Variants in TNKS observed in about 807,000 individuals in gnomAD.
The protein encoded by TNKS is tankyrase.
In TNKS, 72 loss-of-function variants were observed where a neutral mutation model predicts 135.8. That is an observed-to-expected ratio of 0.53 (90% CI 0.44 to 0.64). TNKS has a LOEUF of 0.64. Ranked by LOEUF, TNKS falls within the 30% of genes least tolerant of loss-of-function variation. The pLI is 0.00. For missense variants in TNKS, 1,769 were observed against 1,674.0 expected (o/e 1.06, Z -0.99); for synonymous variants, 849 against 649.3 (o/e 1.31, Z -4.68).
intron 5 of TNKS, among the ~76,000 whole-genome samples, chr8:9,682,722 A>C (rs1802832825): frequency 6.6e-6 from 1 of 152,056 alleles, no homozygotes; most frequent in African/African-American, 2.4e-5. Context: ...TTATCCTCTG[A>C]GTGAGAAAAA....
At chr8:9,651,456 C>T (rs990656451) in intron 3 of TNKS, among the ~76,000 whole-genome samples, 4 of 152,240 alleles carry the variant, frequency 2.6e-5, no homozygotes, top group Admixed American at 2.0e-4. Flanking sequence ...CTTGTTGCCT[C>T]AAGGGAGGAC....
intron 2 of TNKS, among the ~76,000 whole-genome samples, chr8:9,604,520 T>C (rs936316791): frequency 3.3e-5 from 5 of 152,032 alleles, no homozygotes; most frequent in African/African-American, 1.2e-4. Flanking sequence ...TAAGCTAGGC[T>C]CACTAAAATT....
At chr8:9,574,458 C>T (rs557710216) in intron 1 of TNKS, among the ~76,000 whole-genome samples, 1 of 152,338 alleles carries the variant, frequency 6.6e-6, no homozygotes, top group South Asian at 2.1e-4. Flanking sequence ...GCCCAGACTA[C>T]TGCAGAATTT....
chr8:9,591,653 C>G (rs549316789), intron 2 of TNKS, among the ~76,000 whole-genome samples: 2 of 152,238 alleles, frequency 1.3e-5, no homozygotes, highest in African/African-American at 4.8e-5. Flanking sequence ...TGTGCTGTAA[C>G]AATGGGTCTT....
In TNKS at chr8:9,641,316, C is replaced by T. The variant is rs577922521; in HGVS notation, c.994+25639C>T. On this transcript the variant is annotated intron_variant, in intron 3 of 26. Coordinates refer to ENST00000310430, the MANE Select transcript of TNKS (RefSeq NM_003747.3). ...TTTTTTTTACCACTTGACTATCAGG[C>T]ACTTTGATAGTTGTTCAGTATATAA... Among the ~76,000 whole-genome samples, 5 of 142,446 alleles carry T rather than the reference C, an allele frequency of 3.5e-5. 1 individual carries two copies. Among genetic ancestry groups the T allele is most frequent in the Non-Finnish European group, 7.6e-5 (5 of 65,880 alleles). 93.5% of individuals were successfully genotyped at this position (142,446 alleles called of 152,430 possible).
intron 3 of TNKS, among the ~76,000 whole-genome samples, chr8:9,631,499 C>G (rs1303250845): frequency 1.3e-5 from 2 of 152,134 alleles, no homozygotes; most frequent in Non-Finnish European, 2.9e-5. Flanking sequence ...TTACTAAAAA[C>G]TAAACTAATT....
chr8:9,662,927 T>G (rs1801793803), intron 3 of TNKS, among the ~76,000 whole-genome samples: 1 of 152,168 alleles, frequency 6.6e-6, no homozygotes, highest in African/African-American at 2.4e-5. Flanking sequence ...TGTTACCTTA[T>G]GGGATAAAAA....
intron 2 of TNKS, among the ~76,000 whole-genome samples, chr8:9,585,099 T>C (rs963342676): frequency 1.3e-5 from 2 of 151,080 alleles, no homozygotes; most frequent in African/African-American, 4.9e-5. Context: ...AATTAAAGTA[T>C]AAAGTGGGGA....
chr8:9,601,672 G>A (rs960545518), intron 2 of TNKS, among the ~76,000 whole-genome samples: 5 of 152,122 alleles, frequency 3.3e-5, no homozygotes, highest in Non-Finnish European at 7.3e-5. Context: ...TGTTATTAAG[G>A]TAGCTGAAGT....
chr8:9,564,541 A>G (rs1247835122), intron 1 of TNKS, among the ~76,000 whole-genome samples: 1 of 152,254 alleles, frequency 6.6e-6, no homozygotes, highest in Non-Finnish European at 1.5e-5. Flanking sequence ...TTAGTCTTTA[A>G]TATTTTTAAC....
At position 9,617,790 on chromosome 8, in the gene TNKS, TG is replaced by T. The variant is rs759178312; in HGVS notation, c.994+2114del. ...TCTTTATTTTTATGCCAGATGCAATTGTAGTACCCTTACTTACCTTGAGAGT... is the reference window on the plus strand; with the variant it reads ...TCTTTATTTTTATGCCAGATGCAATTTAGTACCCTTACTTACCTTGAGAGT... On this transcript the variant is annotated intron_variant, in intron 3 of 26. Coordinates refer to ENST00000310430, the MANE Select transcript of TNKS (RefSeq NM_003747.3). Among the ~76,000 whole-genome samples the T allele has an allele frequency of 6.0e-4, 92 of 152,294 alleles. No individual in the cohort carries two copies. In the Middle Eastern group the frequency reaches 0.01, roughly 17 times the overall value.
In TNKS at chr8:9,580,241, G is replaced by A. The variant is rs759481250; in HGVS notation, c.756G>A (p.Pro252=). 2.1e-5 allele frequency: 34 copies of A among 1,613,978 alleles called. No individual in the cohort carries two copies. The highest frequency in any genetic ancestry group is 2.0e-4 in the Admixed American group (12 of 59,992). ...VHARDDGGLI[P]LHNACSFGHA... ...CTCGTGATGATGGAGGTCTCATCCC[G>A]CTTCATAATGCCTGTTCTTTTGGCC... Residue 252 remains proline (P), a synonymous_variant, in exon 2 of 27, where the codon CCG becomes CCA. Coordinates refer to ENST00000310430, the MANE Select transcript of TNKS (RefSeq NM_003747.3).
chr8:9,711,640 C>G (rs1353188639), intron 11 of TNKS, among the ~76,000 whole-genome samples: 1 of 152,112 alleles, frequency 6.6e-6, no homozygotes, highest in African/African-American at 2.4e-5. Context: ...TAATAGTTCT[C>G]TGAGGACAAA....
At chr8:9,563,663 ACT>A (rs1563380862) in intron 1 of TNKS, among the ~76,000 whole-genome samples, 2 of 150,716 alleles carry the variant, frequency 1.3e-5, no homozygotes. Context: ...TATTTTCTGA[ACT>A]CTCTCCTTTT....
chr8:9,596,742 A>T (rs919215898), intron 2 of TNKS, among the ~76,000 whole-genome samples: 2 of 152,258 alleles, frequency 1.3e-5, no homozygotes, highest in Non-Finnish European at 2.9e-5. Context: ...TTACTGTGGT[A>T]CACATAATCA....
At chr8:9,775,991 T>G (rs1035505918) in intron 26 of TNKS, among the ~76,000 whole-genome samples, 1 of 150,196 alleles carries the variant, frequency 6.7e-6, no homozygotes, top group Non-Finnish European at 1.5e-5. Context: ...ATCAGCCTCC[T>G]TTTTCCTGCT....
chr8:9,580,968 AT>A (rs774795313), intron 2 of TNKS, among the ~76,000 whole-genome samples: 19 of 152,128 alleles, frequency 1.2e-4, no homozygotes, highest in Non-Finnish European at 2.5e-4. Context: ...ATATATTCAC[AT>A]TTTGCTTTGC....
At chr8:9,576,559 C>G (rs1797956173) in intron 1 of TNKS, among the ~76,000 whole-genome samples, 2 of 151,398 alleles carry the variant, frequency 1.3e-5, no homozygotes, top group African/African-American at 4.9e-5. Context: ...CAAGCTCCAC[C>G]TCCCTGTTGC....
chr8:9,728,667 T>C lies in TNKS; in HGVS notation c.2001+1947T>C, dbSNP rs1805273046. Among the ~76,000 whole-genome samples the C allele has an allele frequency of 2.6e-5, 4 of 152,218 alleles. No homozygotes were observed. The South Asian group carries it at 8.3e-4, about 31-fold the overall frequency. ...TCTTTTTGATTTATGTATTTATTCA[T>C]TTTTTATTTAATTTGATTTGTCAAT... On this transcript the variant is annotated intron_variant, in intron 13 of 26. Coordinates refer to ENST00000310430, the MANE Select transcript of TNKS (RefSeq NM_003747.3).
Sources: allele counts gnomAD v4.1 joint callset (sites outside exome capture counted in the v4.1 genomes callset), GRCh38; gene constraint gnomAD v4.1.1; transcripts MANE v1.5; gene names NCBI Gene and HGNC (gene_info 2026-07-23, HGNC 2026-07-21).